MDGA2: variants seen among roughly 807,000 people sequenced by gnomAD.
The protein encoded by MDGA2 is MAM domain containing glycosylphosphatidylinositol anchor 2, also known as MAM domain-containing glycosylphosphatidylinositol anchor protein 2.
Under a neutral mutation model 117.8 loss-of-function variants are expected in MDGA2, and 40 were observed. The observed-to-expected ratio is 0.34, with a 90% confidence interval of 0.26 to 0.44. The LOEUF (loss-of-function observed/expected upper bound fraction) is 0.44, where lower values mean the gene tolerates loss of function less well. Among genes scored for constraint, MDGA2 ranks in the 20% least tolerant of loss-of-function variants. The probability of loss-of-function intolerance (pLI) is 1.00; values close to 1 mark genes in which losing one functional copy is unlikely to be tolerated. For missense variants in MDGA2, 1,123 were observed against 1,250.6 expected (o/e 0.90, Z 1.54); for synonymous variants, 452 against 439.0 (o/e 1.03, Z -0.37).
intron 8 of MDGA2, among the ~76,000 whole-genome samples, chr14:46,986,665 A>G (rs566693736): frequency 3.3e-5 from 5 of 152,162 alleles, no homozygotes; most frequent in Non-Finnish European, 7.4e-5. Context: ...TCAACTACCC[A>G]AAAGACACAA....
At chr14:47,000,377 T>TATATATATATATTTATATA (rs1566567792) in intron 8 of MDGA2, among the ~76,000 whole-genome samples, 1 of 100,026 alleles carries the variant, frequency 1.0e-5, no homozygotes, top group Non-Finnish European at 2.2e-5. Context: ...ATATATATAT[T>TATATATATATATTTATATA]TATATATATA....
At chr14:46,955,282 AACCT>A (rs1885520179) in intron 9 of MDGA2, among the ~76,000 whole-genome samples, 1 of 152,024 alleles carries the variant, frequency 6.6e-6, no homozygotes, top group South Asian at 2.1e-4. Context: ...ATGCTACCTT[AACCT>A]TTAGAACTTG....
Position 47,100,217 on chromosome 14 carries a change from C to G in MDGA2, c.926-3094G>C, listed in dbSNP as rs112357357. On this transcript the variant is annotated intron_variant, in intron 5 of 16. Coordinates refer to ENST00000399232, the MANE Select transcript of MDGA2 (RefSeq NM_001113498.3). ...TCAAGATTCAACATTTTCCCAGGAC[C>G]TTTAAAAGCTCATGGGCAAAAGGTA... Among the ~76,000 whole-genome samples the G allele has an allele frequency of 6.4e-4, 98 of 152,006 alleles. 2 individuals are homozygous for G. Among genetic ancestry groups the G allele is most frequent in the African/African-American group, 2.3e-3 (95 of 41,476 alleles).
chr14:47,600,481 C>A (rs548964157), intron 1 of MDGA2, among the ~76,000 whole-genome samples: 2 of 152,128 alleles, frequency 1.3e-5, no homozygotes, highest in East Asian at 3.9e-4. Flanking sequence ...GGAAAATAGT[C>A]TAATACTTGA....
At chr14:47,430,539 C>T (rs1030993252) in intron 1 of MDGA2, among the ~76,000 whole-genome samples, 5 of 151,736 alleles carry the variant, frequency 3.3e-5, no homozygotes, top group Non-Finnish European at 7.4e-5. Context: ...ATTTTAAATA[C>T]CTAAATAAAA....
chr14:47,260,917 C>G (rs1047462610), intron 2 of MDGA2, among the ~76,000 whole-genome samples: 2 of 151,974 alleles, frequency 1.3e-5, no homozygotes, highest in African/African-American at 4.8e-5. Context: ...ATCCAAGAGA[C>G]AGATTATATT....
intron 6 of MDGA2, among the ~76,000 whole-genome samples, chr14:47,066,335 C>G (rs1346614863): frequency 6.6e-6 from 1 of 152,098 alleles, no homozygotes; most frequent in Non-Finnish European, 1.5e-5. Flanking sequence ...CCAATTGTTT[C>G]CATTCAGTAT....
chr14:46,885,580 A>C (rs983830171), intron 10 of MDGA2, among the ~76,000 whole-genome samples: 13 of 152,300 alleles, frequency 8.5e-5, no homozygotes, highest in Admixed American at 1.3e-4. Context: ...CTTTGTATAG[A>C]TGTAAAACAA....
At chr14:47,552,369 C>T (rs1895598508) in intron 1 of MDGA2, among the ~76,000 whole-genome samples, 1 of 152,198 alleles carries the variant, frequency 6.6e-6, no homozygotes, top group Admixed American at 6.5e-5. Flanking sequence ...CTAGTATGTC[C>T]AAAACTGGCT....
At chr14:47,572,103 G>A (rs1386036830) in intron 1 of MDGA2, among the ~76,000 whole-genome samples, 3 of 152,160 alleles carry the variant, frequency 2.0e-5, no homozygotes, top group Non-Finnish European at 4.4e-5. Context: ...GCAGAAAGAA[G>A]TTCCAAATAG....
At chr14:47,217,315 A>G (rs1886129392) in intron 3 of MDGA2, among the ~76,000 whole-genome samples, 1 of 152,128 alleles carries the variant, frequency 6.6e-6, no homozygotes, top group African/African-American at 2.4e-5. Context: ...GAAGTGATAG[A>G]AAAACCTGGG....
At chr14:47,027,041 C>T (rs558627576) in intron 8 of MDGA2, among the ~76,000 whole-genome samples, 352 of 152,078 alleles carry the variant, frequency 2.3e-3, no homozygotes, top group Non-Finnish European at 4.2e-3. Context: ...AGCATGGTGG[C>T]TCACACCTGT....
At chr14:47,473,017 T>G (rs1340915172) in intron 1 of MDGA2, among the ~76,000 whole-genome samples, 3 of 152,102 alleles carry the variant, frequency 2.0e-5, no homozygotes, top group African/African-American at 7.2e-5. Context: ...TTTGGGGAAA[T>G]GCGAGTAGAA....
In MDGA2 at chr14:47,131,748, A is replaced by G. The variant is rs201249340; in HGVS notation, c.891T>C (p.Asp297=). ...TGGACAGTCTAAACGACACCATCTTATCAGGAATATTACATACATTCCTCA... is the reference window on the plus strand; with the variant it reads ...TGGACAGTCTAAACGACACCATCTTGTCAGGAATATTACATACATTCCTCA... ...ASVRNVCNIP[D]KMVSFRLSNK... is the part of the protein sequence containing the mutation. Residue 297 remains aspartate (D), a synonymous_variant, in exon 5 of 17, where the codon GAT becomes GAC. Transcript: ENST00000399232. The G allele has an allele frequency of 3.2e-6, 5 of 1,580,688 alleles. No homozygotes were observed. Among genetic ancestry groups the G allele is most frequent in the Non-Finnish European group, 4.3e-6 (5 of 1,155,984 alleles).
intron 2 of MDGA2, among the ~76,000 whole-genome samples, chr14:47,300,604 G>A (rs1459286697): frequency 6.6e-6 from 1 of 151,612 alleles, no homozygotes; most frequent in African/African-American, 2.4e-5. Context: ...ATCCTCCCAC[G>A]TCAGCCTCCA....
intron 9 of MDGA2, among the ~76,000 whole-genome samples, chr14:46,938,539 T>TAAAAAAA (rs1884870063): frequency 7.8e-5 from 1 of 12,748 alleles, no homozygotes; most frequent in Non-Finnish European, 1.7e-4. Flanking sequence ...AAAATCCATC[T>TAAAAAAA]CAAAAAAAAA....
rs576997675 is a variant in MDGA2, at chr14:46,885,480, C to T, written c.2239-3259G>A. Among the ~76,000 whole-genome samples, 8 of 152,190 alleles carry T rather than the reference C, an allele frequency of 5.3e-5. No individual in the cohort carries two copies. In the East Asian group the frequency reaches 1.4e-3, roughly 26 times the overall value. On this transcript the variant is annotated intron_variant, in intron 10 of 16. Transcript: ENST00000399232. ...AGTAACTAAAGAAGAGGCTTAGCCT[C>T]ACAATGAATCAAGGAAATGGAAATT...
chr14:47,046,481 T>C (rs1889269653), intron 7 of MDGA2, among the ~76,000 whole-genome samples: 1 of 150,862 alleles, frequency 6.6e-6, no homozygotes, highest in Admixed American at 6.6e-5. Flanking sequence ...AGGGAAAACA[T>C]CAGGGATATA....
chr14:47,463,255 A>G (rs1414613005), intron 1 of MDGA2, among the ~76,000 whole-genome samples: 2 of 152,188 alleles, frequency 1.3e-5, no homozygotes, highest in Non-Finnish European at 2.9e-5. Context: ...TTTTAAAATT[A>G]GCTATCTACA....
Sources: gnomAD v4.1 joint callset for allele counts (sites outside exome capture counted in the v4.1 genomes callset) on GRCh38, gnomAD v4.1.1 for gene constraint, MANE v1.5 for transcripts, NCBI Gene and HGNC (gene_info 2026-07-23, HGNC 2026-07-21) for gene names.